Variants in STK39 observed in about 807,000 individuals in gnomAD.
STK39 encodes serine/threonine kinase 39.
Under a neutral mutation model 77.8 loss-of-function variants are expected in STK39, and 20 were observed. The observed-to-expected ratio is 0.26, with a 90% CI of 0.18 to 0.37. The LOEUF (loss-of-function observed/expected upper bound fraction) is 0.37, where lower values mean the gene tolerates loss of function less well. Among genes scored for constraint, STK39 ranks in the 10% least tolerant of loss-of-function variants. The pLI is 1.00. For synonymous variants in STK39, 246 were observed against 234.1 expected (o/e 1.05, Z -0.47); for missense variants, 479 against 656.5 (o/e 0.73, Z 2.95).
intron 2 of STK39, among the ~76,000 whole-genome samples, chr2:168,174,113 C>T (rs1190471054): frequency 6.6e-6 from 1 of 151,778 alleles, no homozygotes; most frequent in African/African-American, 2.4e-5. Context: ...GAAAGAGAAA[C>T]ATTTTTAAGA....
chr2:168,145,410 C>T (rs193193639), intron 5 of STK39, among the ~76,000 whole-genome samples: 25 of 152,234 alleles, frequency 1.6e-4, no homozygotes, highest in African/African-American at 5.8e-4. Context: ...CCACTGTCAG[C>T]ACCCTCCCAC....
intron 5 of STK39, among the ~76,000 whole-genome samples, chr2:168,144,001 C>T (rs1291193539): frequency 1.3e-5 from 2 of 152,214 alleles, no homozygotes; most frequent in Non-Finnish European, 2.9e-5. Context: ...CTCCGGCACC[C>T]TGGCTCTTGG....
chr2:168,042,500 G>A (rs1033560318), intron 14 of STK39, among the ~76,000 whole-genome samples: 1 of 151,996 alleles, frequency 6.6e-6, no homozygotes, highest in Non-Finnish European at 1.5e-5. Context: ...AAAGGTAGGG[G>A]TTACAATGGA....
chr2:168,167,936 T>A (rs946443893), intron 2 of STK39, among the ~76,000 whole-genome samples: 3 of 152,222 alleles, frequency 2.0e-5, no homozygotes, highest in African/African-American at 7.2e-5. Context: ...TTCCCAGCTA[T>A]CTGCCACAGT....
At chr2:168,007,244 T>G (rs1226279911) in intron 16 of STK39, among the ~76,000 whole-genome samples, 1 of 152,244 alleles carries the variant, frequency 6.6e-6, no homozygotes, top group Non-Finnish European at 1.5e-5. Flanking sequence ...TATTTCATAT[T>G]TGCAAACACT....
At chr2:168,091,546 T>C (rs959823186) in intron 10 of STK39, among the ~76,000 whole-genome samples, 5 of 152,172 alleles carry the variant, frequency 3.3e-5, no homozygotes, top group African/African-American at 9.7e-5. Flanking sequence ...TCCTCAGTTA[T>C]TGGGTCAGAA....
At chr2:168,035,518 G>C (rs1280234596) in intron 14 of STK39, among the ~76,000 whole-genome samples, 1 of 152,156 alleles carries the variant, frequency 6.6e-6, no homozygotes, top group Non-Finnish European at 1.5e-5. Context: ...TAATTAGGTA[G>C]ACGTGATCAA....
chr2:168,185,069 T>A (rs1225108439), intron 1 of STK39, among the ~76,000 whole-genome samples: 1 of 152,226 alleles, frequency 6.6e-6, no homozygotes. Context: ...GTTAGCAACA[T>A]GAAATAAAAT....
intron 14 of STK39, among the ~76,000 whole-genome samples, chr2:168,023,074 C>T (rs1684608582): frequency 6.6e-6 from 1 of 152,068 alleles, no homozygotes; most frequent in African/African-American, 2.4e-5. Flanking sequence ...GCCCCCATAC[C>T]TGGCTAATTT....
chr2:168,079,312 T>A (rs979816282), intron 10 of STK39, among the ~76,000 whole-genome samples: 7 of 152,052 alleles, frequency 4.6e-5, no homozygotes, highest in African/African-American at 1.7e-4. Context: ...GCTCTACTCC[T>A]CAGCATGCAA....
intron 1 of STK39, among the ~76,000 whole-genome samples, chr2:168,218,861 C>T (rs1166797934): frequency 1.3e-4 from 20 of 152,132 alleles, no homozygotes; most frequent in Admixed American, 1.3e-3. Context: ...CAAATAACAA[C>T]CAGCTCCCAA....
chr2:168,102,883 T>C (rs1686869517), intron 10 of STK39, among the ~76,000 whole-genome samples: 1 of 140,568 alleles, frequency 7.1e-6, no homozygotes, highest in Non-Finnish European at 1.5e-5. Flanking sequence ...TGAGCCGAGA[T>C]TGCACCACTG....
intron 5 of STK39, among the ~76,000 whole-genome samples, chr2:168,141,946 TTATTTA>T (rs3835853): frequency 0.15 from 23,514 of 152,146 alleles, 1,925 homozygotes; most frequent in East Asian, 0.25. Flanking sequence ...ATGTTGCATT[TTATTTA>T]TATTTAAATT....
chr2:167,967,233 C>T (rs931492308), intron 16 of STK39, among the ~76,000 whole-genome samples: 2 of 152,182 alleles, frequency 1.3e-5, no homozygotes, highest in African/African-American at 2.4e-5. Flanking sequence ...ACTCATGCCC[C>T]TTGGTTTCTG....
intron 1 of STK39, among the ~76,000 whole-genome samples, chr2:168,241,532 C>T (rs1011147433): frequency 1.3e-5 from 2 of 152,228 alleles, no homozygotes; most frequent in South Asian, 4.1e-4. Flanking sequence ...TTTCCTCCCA[C>T]AGCAGTGGAG....
intron 1 of STK39, 65 bp downstream of exon 1, chr2:168,247,163 G>A (rs1311480034): frequency 5.8e-6 from 6 of 1,033,010 alleles, no homozygotes; most frequent in Non-Finnish European, 6.9e-6. Flanking sequence ...CCAGCATCCC[G>A]CGCCCCCTCC....
chr2:168,034,472 GTC>G (rs934241949), intron 14 of STK39, among the ~76,000 whole-genome samples: 2 of 152,190 alleles, frequency 1.3e-5, no homozygotes, highest in African/African-American at 4.8e-5. Flanking sequence ...ATCAGAGGAA[GTC>G]TCTGACGAAA....
intron 5 of STK39, among the ~76,000 whole-genome samples, chr2:168,144,992 AAAG>A (rs1688098873): frequency 6.6e-6 from 1 of 152,070 alleles, no homozygotes; most frequent in African/African-American, 2.4e-5. Flanking sequence ...AAAAAAAAAA[AAAG>A]AATATTCCCA....
At chr2:168,227,217 C>A (rs534959255) in intron 1 of STK39, among the ~76,000 whole-genome samples, 26 of 152,202 alleles carry the variant, frequency 1.7e-4, no homozygotes, top group African/African-American at 6.0e-4. Context: ...AAAACATCTG[C>A]AAGGATACAC....
Sources: gnomAD v4.1 joint callset for allele counts (sites outside exome capture counted in the v4.1 genomes callset) on GRCh38, gnomAD v4.1.1 for gene constraint, MANE v1.5 for transcripts, NCBI Gene and HGNC (gene_info 2026-07-23, HGNC 2026-07-21) for gene names.